Variants in WWOX observed in about 807,000 individuals in gnomAD.
WWOX encodes WW domain containing oxidoreductase.
WWOX carries 69 observed loss-of-function variants against 46.2 expected under a neutral mutation model. That is an observed-to-expected ratio of 1.49 (90% CI 1.23 to 1.82). The LOEUF (loss-of-function observed/expected upper bound fraction) is 1.82. WWOX is among the 40% of genes most tolerant of loss of function. The probability of loss-of-function intolerance (pLI) is 0.00; values close to 1 mark genes in which losing one functional copy is unlikely to be tolerated. For missense variants in WWOX, 919 were observed against 542.6 expected, an observed-to-expected ratio of 1.69 and a Z score of -6.89; for synonymous variants, 359 against 202.6, an observed-to-expected ratio of 1.77 and a Z score of -6.56.
chr16:79,189,535 A>C (rs2051089251), intron 8 of WWOX, among the ~76,000 whole-genome samples: 1 of 151,250 alleles, frequency 6.6e-6, no homozygotes, highest in Non-Finnish European at 1.5e-5. Flanking sequence ...TCCTAGCTTC[A>C]AGCGATCCTC....
At chr16:78,565,947 G>C in intron 8 of WWOX, among the ~76,000 whole-genome samples, 1 of 137,544 alleles carries the variant, frequency 7.3e-6, no homozygotes. Context: ...ATACAATGGC[G>C]ATTGTTTTGT....
intron 8 of WWOX, among the ~76,000 whole-genome samples, chr16:78,581,756 G>C (rs1206943212): frequency 6.6e-6 from 1 of 152,104 alleles, no homozygotes; most frequent in Non-Finnish European, 1.5e-5. Context: ...TGTAACACCA[G>C]GTTCCCTACC....
At chr16:78,884,356 G>A (rs1165361842) in intron 8 of WWOX, among the ~76,000 whole-genome samples, 1 of 149,374 alleles carries the variant, frequency 6.7e-6, no homozygotes, top group African/African-American at 2.5e-5. Flanking sequence ...CAAAAGACAA[G>A]TACAAGAGTG....
intron 8 of WWOX, among the ~76,000 whole-genome samples, chr16:78,497,041 G>T (rs1278582353): frequency 6.6e-6 from 1 of 152,348 alleles, no homozygotes; most frequent in South Asian, 2.1e-4. Flanking sequence ...AAATTATTCT[G>T]CAGGGAGATT....
At chr16:79,129,981 A>T (rs2049843060) in intron 8 of WWOX, among the ~76,000 whole-genome samples, 1 of 152,190 alleles carries the variant, frequency 6.6e-6, no homozygotes, top group Non-Finnish European at 1.5e-5. Flanking sequence ...CATCTGTAAA[A>T]TAGAGGTAAT....
intron 8 of WWOX, among the ~76,000 whole-genome samples, chr16:79,116,720 A>G (rs1159029181): frequency 6.6e-6 from 1 of 151,968 alleles, no homozygotes; most frequent in Non-Finnish European, 1.5e-5. Context: ...GGTGGAATAA[A>G]CTTCTTCCAA....
chr16:79,031,902 A>AGATATC, intron 8 of WWOX, among the ~76,000 whole-genome samples: 1 of 21,648 alleles, frequency 4.6e-5, no homozygotes, highest in Non-Finnish European at 9.3e-5. Context: ...ACAGATATCT[A>AGATATC]TATATATAGA....
rs528293412 is a variant in WWOX at position 78,587,193 on chromosome 16, C to CTTTTTTTTTT, written c.1056+154455_1056+154464dup. Among the ~76,000 whole-genome samples the CTTTTTTTTTT allele has an allele frequency of 2.3e-3, 256 of 112,846 alleles. 3 individuals are homozygous for CTTTTTTTTTT. The highest frequency in any genetic ancestry group is 5.0e-3 in the Middle Eastern group (1 of 202). The allele number at this position is 112,846 out of a possible 152,430, so 74.0% of individuals were successfully genotyped here. A position where few individuals can be genotyped will look rare whatever the true frequency, so the allele number is the denominator to read the frequency against. On this transcript the variant is annotated intron_variant, in intron 8 of 8. Transcript: ENST00000566780. Reference sequence around the variant, plus strand: ...AGCAGATGCCACCATGCCTGGCTAACTTTTTTTTTTTTTTTTTTTTTTTGT... The same window carrying CTTTTTTTTTT: ...AGCAGATGCCACCATGCCTGGCTAACTTTTTTTTTTTTTTTTTTTTTTTTTTTTTTTTTGT...
rs1309308569 is a variant in WWOX at position 78,345,424 on chromosome 16, C to A, written c.517-41436C>A. 1.1e-4 allele frequency among the ~76,000 whole-genome samples: 9 copies of A among 81,168 alleles called. 3 individuals carry two copies. Among genetic ancestry groups the A allele is most frequent in the African/African-American group, 3.7e-4 (9 of 24,110 alleles). 53.2% of individuals were successfully genotyped at this position (81,168 alleles called of 152,430 possible). Reference sequence around the variant, plus strand: ...TTACTTGAGCCCAGGTGTTGGAGACCAGCCTGAGCACCATGGCAAAACCCC... The same window carrying A: ...TTACTTGAGCCCAGGTGTTGGAGACAAGCCTGAGCACCATGGCAAAACCCC... On this transcript the variant is annotated intron_variant, in intron 5 of 8. Coordinates refer to ENST00000566780, the MANE Select transcript of WWOX (RefSeq NM_016373.4).
intron 8 of WWOX, among the ~76,000 whole-genome samples, chr16:78,686,500 G>A (rs1475253467): frequency 7.5e-6 from 1 of 133,028 alleles, no homozygotes; most frequent in East Asian, 2.2e-4. Context: ...GACAGAGCGA[G>A]ACTCCCTGTC....
chr16:78,830,925 A>G (rs933499757), intron 8 of WWOX, among the ~76,000 whole-genome samples: 5 of 152,120 alleles, frequency 3.3e-5, no homozygotes, highest in East Asian at 1.9e-4. Flanking sequence ...TTATTTATCA[A>G]AAGGGCCATA....
intron 8 of WWOX, among the ~76,000 whole-genome samples, chr16:78,881,932 G>A (rs915833957): frequency 1.3e-5 from 2 of 152,126 alleles, no homozygotes; most frequent in African/African-American, 4.8e-5. Flanking sequence ...AGATAATCCT[G>A]GCCAACATGG....
chr16:78,875,858 T>G (rs549006130), intron 8 of WWOX, among the ~76,000 whole-genome samples: 2 of 152,356 alleles, frequency 1.3e-5, no homozygotes, highest in East Asian at 3.8e-4. Context: ...AAAAGAATGT[T>G]TCTTCCACAC....
At chr16:78,784,146 A>G (rs1238949967) in intron 8 of WWOX, among the ~76,000 whole-genome samples, 3 of 152,190 alleles carry the variant, frequency 2.0e-5, no homozygotes, top group Non-Finnish European at 2.9e-5. Context: ...TAACAACCCT[A>G]TAAGTCAGTG....
At chr16:78,501,454 A>T (rs1472327739) in intron 8 of WWOX, among the ~76,000 whole-genome samples, 1 of 151,912 alleles carries the variant, frequency 6.6e-6, no homozygotes, top group Non-Finnish European at 1.5e-5. Context: ...TTTTCTTTAA[A>T]GTTCCAACCT....
chr16:78,650,786 A>G (rs1213088362), intron 8 of WWOX, among the ~76,000 whole-genome samples: 1 of 152,190 alleles, frequency 6.6e-6, no homozygotes, highest in Non-Finnish European at 1.5e-5. Flanking sequence ...CTGTCCCACA[A>G]ATCTCAGCTG....
At chr16:78,767,334 C>G (rs978243544) in intron 8 of WWOX, among the ~76,000 whole-genome samples, 1 of 151,722 alleles carries the variant, frequency 6.6e-6, no homozygotes, top group African/African-American at 2.4e-5. Context: ...CAGATTTTGC[C>G]GTGTTGCCCT....
At chr16:79,119,108 C>G (rs1052888217) in intron 8 of WWOX, among the ~76,000 whole-genome samples, 1 of 151,972 alleles carries the variant, frequency 6.6e-6, no homozygotes, top group African/African-American at 2.4e-5. Context: ...TGCCAAATTG[C>G]TCTCCAAAAG....
rs118075324 is a variant in WWOX, at chr16:78,714,269, A to G, written c.1056+281517A>G. Reference sequence around the variant, plus strand: ...AGAAGTTTAACGGACTCATAGTTGCACATGGCTGGGGAGGCCACACGATCA... The same window carrying G: ...AGAAGTTTAACGGACTCATAGTTGCGCATGGCTGGGGAGGCCACACGATCA... On this transcript the variant is annotated intron_variant, in intron 8 of 8. Coordinates refer to ENST00000566780, the MANE Select transcript of WWOX (RefSeq NM_016373.4). Among the ~76,000 whole-genome samples the G allele has an allele frequency of 7.8e-3, 1,182 of 152,302 alleles. 74 individuals are homozygous for G. In the East Asian group the frequency reaches 0.16, roughly 20 times the overall value.
Sources: allele counts gnomAD v4.1 joint callset (sites outside exome capture counted in the v4.1 genomes callset), GRCh38; gene constraint gnomAD v4.1.1; transcripts MANE v1.5; gene names NCBI Gene and HGNC (gene_info 2026-07-23, HGNC 2026-07-21).